NLN: variants seen among roughly 807,000 people sequenced by gnomAD.
NLN encodes the protein neurolysin, mitochondrial.
A neutral mutation model predicts 79.9 loss-of-function variants in NLN; 64 were observed. That is an observed-to-expected ratio of 0.80 (90% CI 0.65 to 0.99). The LOEUF (loss-of-function observed/expected upper bound fraction) is 0.99, where lower values mean the gene tolerates loss of function less well. Among genes scored for constraint, NLN ranks in the 50% least tolerant of loss-of-function variants. The probability of loss-of-function intolerance (pLI) is 0.00; values close to 1 mark genes in which losing one functional copy is unlikely to be tolerated. For synonymous variants in NLN, 267 were observed against 296.6 expected, an observed-to-expected ratio of 0.90 and a Z score of 1.02; for missense variants, 835 against 858.7, an observed-to-expected ratio of 0.97 and a Z score of 0.34.
chr5:65,782,719 C>A (rs979661869), intron 6 of NLN, among the ~76,000 whole-genome samples: 2 of 152,206 alleles, frequency 1.3e-5, no homozygotes, highest in Non-Finnish European at 2.9e-5. Flanking sequence ...GAGCAGAATT[C>A]TTTTCCTTCC....
chr5:65,822,251 G>A (rs900375670), intron 12 of NLN, among the ~76,000 whole-genome samples: 1 of 152,214 alleles, frequency 6.6e-6, no homozygotes. Flanking sequence ...CCACAAAAAT[G>A]TCTTGCCCTC....
At chr5:65,776,684 G>A (rs1276553860) in intron 3 of NLN, among the ~76,000 whole-genome samples, 2 of 152,132 alleles carry the variant, frequency 1.3e-5, no homozygotes, top group Non-Finnish European at 2.9e-5. Context: ...AGAAACATCT[G>A]GTGTCTTTAT....
Position 65,809,621 on chromosome 5 carries a change from T to G in NLN, c.1634T>G (p.Leu545Trp). The change falls in exon 10 of 13, where the codon TTG becomes TGG. Residue 545 changes from leucine (L) to tryptophan (W), a missense_variant. Leu to Trp is a moderately conservative substitution (Grantham distance 61). Transcript: ENST00000380985. ...TGGGACGTCGATTCCCTCCGAAGAT[T>G]GTCAAAACATTATAAAGATGGAAGC... Reference protein sequence around the residue: ...WVWDVDSLRRLSKHYKDGSPI... With the variant: ...WVWDVDSLRRWSKHYKDGSPI... The G allele has an allele frequency of 2.5e-6, 4 of 1,614,016 alleles. No individual in the cohort carries two copies. Among genetic ancestry groups the G allele is most frequent in the Non-Finnish European group, 3.4e-6 (4 of 1,179,968 alleles).
chr5:65,756,390 A>G lies in NLN; in HGVS notation c.42-2177A>G, dbSNP rs116800525. ...CCTCCACCGCCTCCATCCATTCAGT[A>G]CCAAATCCTTTTGAGTCAAACTCCT... On this transcript the variant is annotated intron_variant, in intron 1 of 12. Coordinates refer to ENST00000380985, the MANE Select transcript of NLN (RefSeq NM_020726.5). 2.7e-3 allele frequency among the ~76,000 whole-genome samples: 409 copies of G among 152,144 alleles called. 1 individual carries two copies. Among genetic ancestry groups the G allele is most frequent in the African/African-American group, 9.4e-3 (390 of 41,518 alleles).
intron 4 of NLN, among the ~76,000 whole-genome samples, chr5:65,778,949 C>T (rs951734613): frequency 6.6e-6 from 1 of 152,040 alleles, no homozygotes; most frequent in African/African-American, 2.4e-5. Flanking sequence ...CTGAACAGTC[C>T]TGAGGGCAAT....
chr5:65,731,175 G>T (rs1416700682), intron 1 of NLN, among the ~76,000 whole-genome samples: 1 of 152,200 alleles, frequency 6.6e-6, no homozygotes, highest in Non-Finnish European at 1.5e-5. Flanking sequence ...CCTCCAAGAA[G>T]CCACCTCTGG....
chr5:65,822,844 C>T lies in NLN; in HGVS notation c.2044C>T (p.Leu682Phe). The T allele has an allele frequency of 6.2e-7, 1 of 1,611,262 alleles. No homozygotes were observed. Among genetic ancestry groups the T allele is most frequent in the Non-Finnish European group, 8.5e-7 (1 of 1,177,420 alleles). ...PGGSLDGMDMLHNFLKREPNQ... is the reference protein window; with the variant it reads ...PGGSLDGMDMFHNFLKREPNQ... ...GGGATCTCTGGACGGCATGGACATG[C>T]TCCACAATTTCTTGAAACGTGAGCC... Residue 682 changes from leucine (L) to phenylalanine (F), a missense_variant, in exon 13 of 13, where the codon CTC becomes TTC. Physicochemically the swap from Leu to Phe is conservative, Grantham distance 22 (BLOSUM62 0). Transcript: ENST00000380985.
chr5:65,829,249 A>G lies in NLN; in HGVS notation c.*6334A>G, dbSNP rs1307649377. Reference sequence around the variant, plus strand: ...TGGATTGTTAATGAATAGTTCATACATGTTTGTTAAATAAATATACCTTCT... The same window carrying G: ...TGGATTGTTAATGAATAGTTCATACGTGTTTGTTAAATAAATATACCTTCT... On this transcript the variant is annotated 3_prime_UTR_variant, in exon 13 of 13. Coordinates refer to ENST00000380985, the MANE Select transcript of NLN (RefSeq NM_020726.5). The G allele has an allele frequency of 6.6e-6, 1 of 152,180 alleles. No homozygotes were observed. Among genetic ancestry groups the G allele is most frequent in the Admixed American group, 6.5e-5 (1 of 15,278 alleles). The allele number at this position is 152,180 out of a possible 1,614,324, so 9.4% of individuals were successfully genotyped here.
rs1760925842 is a variant in NLN at position 65,826,689 on chromosome 5, G to C, written c.*3774G>C. The C allele has an allele frequency of 2.6e-5, 4 of 152,222 alleles. No homozygotes were observed. Among genetic ancestry groups the C allele is most frequent in the African/African-American group, 9.7e-5 (4 of 41,442 alleles). The allele number at this position is 152,222 out of a possible 1,614,324, so 9.4% of individuals were successfully genotyped here. A position where few individuals can be genotyped will look rare whatever the true frequency, so the allele number is the denominator to read the frequency against. On this transcript the variant is annotated 3_prime_UTR_variant, in exon 13 of 13. Coordinates refer to ENST00000380985, the MANE Select transcript of NLN (RefSeq NM_020726.5). ...GAAGGTTGAGGCAGGAGGATCCTTT[G>C]TGCTCAAGAGTTTGAGACCAGCCTG...
chr5:65,791,976 A>G (rs1760071491), intron 8 of NLN, among the ~76,000 whole-genome samples: 1 of 152,204 alleles, frequency 6.6e-6, no homozygotes, highest in African/African-American at 2.4e-5. Context: ...AGCTTATTTA[A>G]TTGTGATTAC....
At chr5:65,765,276 G>T (rs1759427945) in intron 3 of NLN, among the ~76,000 whole-genome samples, 1 of 152,154 alleles carries the variant, frequency 6.6e-6, no homozygotes. Context: ...CCAGCACTTT[G>T]GGAGGCCAAG....
At chr5:65,753,390 T>A (rs1408892824) in intron 1 of NLN, among the ~76,000 whole-genome samples, 1 of 152,188 alleles carries the variant, frequency 6.6e-6, no homozygotes, top group Non-Finnish European at 1.5e-5. Flanking sequence ...GGCTCATGCC[T>A]GTAATCTCAA....
chr5:65,722,211 C>A lies in NLN; in HGVS notation c.-163C>A, dbSNP rs946535972. 4 of 362,090 alleles carry A rather than the reference C, an allele frequency of 1.1e-5. 1 individual carries two copies. Among genetic ancestry groups the A allele is most frequent in the South Asian group, 1.6e-4 (2 of 12,370 alleles). The allele number at this position is 362,090 out of a possible 1,614,324, so 22.4% of individuals were successfully genotyped here. A position where few individuals can be genotyped will look rare whatever the true frequency, so the allele number is the denominator to read the frequency against. ...GGCGCGGGGCGGGGCTGGTAGGCGC[C>A]GGCGTGGAGCTGCCGCACGTGGGAG... On this transcript the variant is annotated 5_prime_UTR_variant, in exon 1 of 13. Transcript: ENST00000380985.
rs879523094 is a variant in NLN at position 65,823,069 on chromosome 5, A to G, written c.*154A>G. 2.0e-5 allele frequency: 12 copies of G among 590,796 alleles called. No individual in the cohort carries two copies. The highest frequency in any genetic ancestry group is 3.6e-5 in the Non-Finnish European group (12 of 336,140). 36.6% of individuals were successfully genotyped at this position (590,796 alleles called of 1,614,324 possible). A position where few individuals can be genotyped will look rare whatever the true frequency, so the allele number is the denominator to read the frequency against. ...AATTTTAAAAATTATAAAGATGTAA[A>G]TGGAATTATAAATACTGTGACCTAA... On this transcript the variant is annotated 3_prime_UTR_variant, in exon 13 of 13. Coordinates refer to ENST00000380985, the MANE Select transcript of NLN (RefSeq NM_020726.5).
At chr5:65,794,718 G>A (rs2591933) in intron 9 of NLN, among the ~76,000 whole-genome samples, 71,396 of 151,958 alleles carry the variant, frequency 0.47, 17,190 homozygotes, top group African/African-American at 0.5. Context: ...TATGAATGAC[G>A]AGCAGGATAT....
At chr5:65,779,542 C>T (rs1173708931) in intron 4 of NLN, among the ~76,000 whole-genome samples, 1 of 152,124 alleles carries the variant, frequency 6.6e-6, no homozygotes, top group Non-Finnish European at 1.5e-5. Flanking sequence ...TCTTGGTTTA[C>T]TTCATAACCA....
intron 3 of NLN, among the ~76,000 whole-genome samples, chr5:65,769,478 T>C (rs1450746352): frequency 1.3e-5 from 2 of 152,224 alleles, no homozygotes; most frequent in African/African-American, 4.8e-5. Context: ...TTATTACATA[T>C]TGCTTGCCTG....
At chr5:65,746,417 T>C (rs1249169280) in intron 1 of NLN, among the ~76,000 whole-genome samples, 1 of 152,178 alleles carries the variant, frequency 6.6e-6, no homozygotes, top group African/African-American at 2.4e-5. Context: ...GTGAAGAATG[T>C]CTGTTGCATT....
chr5:65,788,485 G>C lies in NLN; in HGVS notation c.1325+1G>C. On this transcript the variant is annotated splice_donor_variant, in intron 8 of 12. Coordinates refer to ENST00000380985, the MANE Select transcript of NLN (RefSeq NM_020726.5). LOFTEE classifies it high-confidence loss of function. Reference sequence around the variant, plus strand: ...AGTTCTATTTGGACCTCTATCCAAGGTACTGAGGATCACGTTGTTGGAAGG... The same window carrying C: ...AGTTCTATTTGGACCTCTATCCAAGCTACTGAGGATCACGTTGTTGGAAGG... The C allele has an allele frequency of 1.2e-6, 2 of 1,609,774 alleles. No homozygotes were observed. Among genetic ancestry groups the C allele is most frequent in the Non-Finnish European group, 1.7e-6 (2 of 1,176,730 alleles).
Sources: allele counts gnomAD v4.1 joint callset (sites outside exome capture counted in the v4.1 genomes callset), GRCh38; gene constraint gnomAD v4.1.1; transcripts MANE v1.5; gene names NCBI Gene and HGNC (gene_info 2026-07-23, HGNC 2026-07-21).